The following CHFR variants were observed in gnomAD, a reference collection of about 807,000 sequenced individuals.
CHFR encodes checkpoint with forkhead and ring finger domains, also known as E3 ubiquitin-protein ligase CHFR.
CHFR carries 57 observed loss-of-function variants against 87.6 expected under a neutral mutation model. The observed-to-expected ratio is 0.65, with a 90% CI of 0.53 to 0.81. The LOEUF is 0.81. Among genes scored for constraint, CHFR ranks in the 30% least tolerant of loss-of-function variants. CHFR has a pLI of 0.00. For synonymous variants in CHFR, 381 were observed against 359.2 expected, an observed-to-expected ratio of 1.06 and a Z score of -0.69; for missense variants, 797 against 865.8, an observed-to-expected ratio of 0.92 and a Z score of 1.00.
chr12:132,861,055 A>G (rs1053705497), intron 7 of CHFR, among the ~76,000 whole-genome samples: 1 of 152,000 alleles, frequency 6.6e-6, no homozygotes, highest in Non-Finnish European at 1.5e-5. Context: ...GTCAGGCTTG[A>G]TTTTTATTTT....
intron 15 of CHFR, among the ~76,000 whole-genome samples, chr12:132,846,274 T>TTC (rs1950820611): frequency 6.6e-6 from 1 of 150,480 alleles, no homozygotes; most frequent in South Asian, 2.1e-4. Context: ...TTTTTTTTTT[T>TTC]TTTTTTGAGA....
In CHFR at chr12:132,857,518, G is replaced by T; in HGVS notation, c.953C>A (p.Ser318Ter). Residue 318 changes from serine (S) to a stop codon, truncating the protein, a stop_gained, in exon 9 of 18, where the codon TCG becomes TAG. Transcript: ENST00000450056. LOFTEE classifies it high-confidence loss of function. ...CMHTFCAACY[S>*]GWMERSSLCP... ...CAGGGACGAGCGCTCCATCCAGCCC[G>T]AGTAGCAAGCCGCGCAGAACGTGTG... 1.2e-6 allele frequency: 2 copies of T among 1,614,162 alleles called. No individual in the cohort carries two copies. Among genetic ancestry groups the T allele is most frequent in the Non-Finnish European group, 1.7e-6 (2 of 1,180,018 alleles).
intron 1 of CHFR, 27 bp from the exon 2 acceptor site, chr12:132,887,367 G>C: frequency 2.2e-6 from 3 of 1,340,130 alleles, no homozygotes; most frequent in Non-Finnish European, 2.9e-6. Flanking sequence ...AACGCCCATG[G>C]AGACTCCCGA....
chr12:132,858,727 A>T (rs1951141393), intron 8 of CHFR, among the ~76,000 whole-genome samples: 11 of 32,284 alleles, frequency 3.4e-4, no homozygotes, highest in Non-Finnish European at 5.7e-4. Flanking sequence ...ACTCCATCTA[A>T]AAAAAAAAAA....
Position 132,887,192 on chromosome 12 carries a change from G to A in CHFR, c.133+4C>T, listed in dbSNP as rs1489890795. On this transcript the variant is annotated splice_donor_region_variant and intron_variant, in intron 2 of 17. Transcript: ENST00000450056. Reference sequence around the variant, plus strand: ...GGCCCCCGGCCCCGGCCTCAGCCCCGCACCTCGTCTCCGCCCGATGGTCCA... The same window carrying A: ...GGCCCCCGGCCCCGGCCTCAGCCCCACACCTCGTCTCCGCCCGATGGTCCA... 7 of 1,486,472 alleles carry A rather than the reference G, an allele frequency of 4.7e-6. No homozygotes were observed. Among genetic ancestry groups the A allele is most frequent in the Admixed American group, 4.5e-5 (2 of 44,834 alleles). 92.1% of individuals were successfully genotyped at this position (1,486,472 alleles called of 1,614,324 possible). A position where few individuals can be genotyped will look rare whatever the true frequency, so the allele number is the denominator to read the frequency against.
At chr12:132,860,378 G>T (rs370484647) in intron 7 of CHFR, among the ~76,000 whole-genome samples, 2 of 152,158 alleles carry the variant, frequency 1.3e-5, no homozygotes, top group Admixed American at 1.3e-4. Context: ...TAGTTTACTA[G>T]ATTAAGTTGT....
intron 14 of CHFR, chr12:132,847,583 T>A (rs570814826): frequency 8.0e-5 from 85 of 1,062,516 alleles, no homozygotes; most frequent in Non-Finnish European, 8.2e-5. Flanking sequence ...GCCAGGTGTG[T>A]CTGTGGCAAG....
chr12:132,847,052 G>A lies in CHFR; in HGVS notation c.1726C>T (p.Leu576=). 6.2e-7 allele frequency: 1 copy of A among 1,612,920 alleles called. No individual in the cohort carries two copies. ...SLVALQRGVF[L]LSDYRVTGDT... is the part of the protein sequence containing the mutation. ...CAACAGAAGAACTCACCAGACAGCAGAAACACTCCCCGCTGGAGAGCCACG... is the reference window on the plus strand; with the variant it reads ...CAACAGAAGAACTCACCAGACAGCAAAAACACTCCCCGCTGGAGAGCCACG... Residue 576 remains leucine (L), a synonymous_variant, in exon 15 of 18, where the codon CTG becomes TTG. Transcript: ENST00000450056.
At position 132,835,580 on chromosome 12, in the gene CHFR, C is replaced by A; in HGVS notation, c.*5974G>T. 1 of 176,040 alleles carries A rather than the reference C, an allele frequency of 5.7e-6. No homozygotes were observed. The allele number at this position is 176,040 out of a possible 1,614,324, so 10.9% of individuals were successfully genotyped here. A position where few individuals can be genotyped will look rare whatever the true frequency, so the allele number is the denominator to read the frequency against. On this transcript the variant is annotated 3_prime_UTR_variant, in exon 18 of 18. Transcript: ENST00000450056. Reference sequence around the variant, plus strand: ...ACAAACACGCATGAAGAGAAGATGACGTGAGAACTCAAGGAGATGCTGCCC... The same window carrying A: ...ACAAACACGCATGAAGAGAAGATGAAGTGAGAACTCAAGGAGATGCTGCCC...
Position 132,865,651 on chromosome 12 carries a change from G to GTTTTTTTTTTTTTTTTTTTTTT in CHFR, c.583+3967_583+3968insAAAAAAAAAAAAAAAAAAAAAA, listed in dbSNP as rs1241641864. Among the ~76,000 whole-genome samples the GTTTTTTTTTTTTTTTTTTTTTT allele has an allele frequency of 1.6e-5, 2 of 127,018 alleles. 1 individual carries two copies. Among genetic ancestry groups the GTTTTTTTTTTTTTTTTTTTTTT allele is most frequent in the African/African-American group, 5.9e-5 (2 of 33,748 alleles). 83.3% of individuals were successfully genotyped at this position (127,018 alleles called of 152,430 possible). A position where few individuals can be genotyped will look rare whatever the true frequency, so the allele number is the denominator to read the frequency against. ...GCTTCCCAAAGTGCTGGGATTACAG[G>GTTTTTTTTTTTTTTTTTTTTTT]TCTTTTTTTTTTTTTTTTTTTTTTT... On this transcript the variant is annotated intron_variant, in intron 6 of 17. Coordinates refer to ENST00000450056, the MANE Select transcript of CHFR (RefSeq NM_001161346.2).
At chr12:132,879,395 CTT>C (rs1186711276) in intron 2 of CHFR, among the ~76,000 whole-genome samples, 8 of 134,138 alleles carry the variant, frequency 6.0e-5, no homozygotes, top group Admixed American at 7.5e-5. Context: ...TTTTTTTTTT[CTT>C]TTTTTTTTTT....
chr12:132,870,673 A>G, intron 5 of CHFR, 51 bp downstream of exon 5: 1 of 1,277,632 alleles, frequency 7.8e-7, no homozygotes, highest in Non-Finnish European at 1.1e-6. Context: ...ACACAAAAGG[A>G]ATGCTATAGC....
intron 8 of CHFR, 22 bp from the exon 9 acceptor site, chr12:132,857,581 T>C: frequency 3.7e-6 from 6 of 1,610,706 alleles, no homozygotes; most frequent in Non-Finnish European, 4.2e-6. Context: ...AGAGGAACAG[T>C]GTCCAGACAG....
At position 132,872,379 on chromosome 12, in the gene CHFR, C is replaced by G. The variant is rs1262248032; in HGVS notation, c.249G>C (p.Val83=). 6.2e-7 allele frequency: 1 copy of G among 1,609,796 alleles called. No individual in the cohort carries two copies. The highest frequency in any genetic ancestry group is 8.5e-7 in the Non-Finnish European group (1 of 1,176,260). ...TLEDTSTSGT[V]INKLKVVKKQ... ...TCTTAACAACCTTCAGCTTGTTAAT[C>G]ACTGTTCCACTGGTGCTGTAAAAAA... The change falls in exon 4 of 18, where the codon GTG becomes GTC. Residue 83 remains valine, a synonymous_variant. Transcript: ENST00000450056.
rs1425229080 is a variant in CHFR, at chr12:132,833,434, AG to A, written c.*8119del. ...GCATAGAAGGTGACAGAAAGAGTCA[AG>A]AAAAGGCAGAGGCAACCCTGGGGAG... On this transcript the variant is annotated 3_prime_UTR_variant, in exon 18 of 18. Transcript: ENST00000450056. 6.6e-6 allele frequency: 1 copy of A among 152,342 alleles called. No homozygotes were observed. Among genetic ancestry groups the A allele is most frequent in the Non-Finnish European group, 1.5e-5 (1 of 68,102 alleles). 9.4% of individuals were successfully genotyped at this position (152,342 alleles called of 1,614,324 possible).
chr12:132,846,408 G>A (rs111792039), intron 15 of CHFR, among the ~76,000 whole-genome samples: 31,682 of 151,678 alleles, frequency 0.21, 3,531 homozygotes, highest in African/African-American at 0.27. Flanking sequence ...GACTACAGGC[G>A]CCCGCCACCA....
intron 17 of CHFR, 82 bp downstream of exon 17, chr12:132,842,929 G>A (rs1208743532): frequency 7.0e-6 from 8 of 1,144,870 alleles, no homozygotes; most frequent in Non-Finnish European, 1.0e-5. Context: ...GAAGCATAAT[G>A]ACCATATCAG....
intron 16 of CHFR, among the ~76,000 whole-genome samples, chr12:132,843,746 C>T (rs190012213): frequency 3.9e-5 from 6 of 152,064 alleles, no homozygotes; most frequent in African/African-American, 7.2e-5. Context: ...GTCAAGAGTT[C>T]GAGACCAGCC....
At chr12:132,846,925 C>A in intron 15 of CHFR, 118 bp downstream of exon 15, 2 of 735,918 alleles carry the variant, frequency 2.7e-6, no homozygotes, top group South Asian at 1.5e-5. Context: ...GCATCAGGAT[C>A]TTTTTCCTCT....
Sources: gnomAD v4.1 joint callset for allele counts (sites outside exome capture counted in the v4.1 genomes callset) on GRCh38, gnomAD v4.1.1 for gene constraint, MANE v1.5 for transcripts, NCBI Gene and HGNC (gene_info 2026-07-23, HGNC 2026-07-21) for gene names.